The following TENM3 variants were observed in gnomAD, a reference collection of about 807,000 sequenced individuals.
TENM3 encodes teneurin-3.
A neutral mutation model predicts 255.1 loss-of-function variants in TENM3; 63 were observed. The ratio of observed to expected loss-of-function variants is 0.25; its 90% confidence interval spans 0.20 to 0.30. The LOEUF (loss-of-function observed/expected upper bound fraction) is 0.30, where lower values mean the gene tolerates loss of function less well. Among genes scored for constraint, TENM3 ranks in the 10% least tolerant of loss-of-function variants. TENM3 has a pLI of 1.00. For missense variants in TENM3, 2,929 were observed against 3,461.1 expected (o/e 0.85, Z 3.86); for synonymous variants, 1,306 against 1,322.3 (o/e 0.99, Z 0.27).
chr4:181,967,717 T>A, the TENM3 span, among the ~76,000 whole-genome samples: 1 of 152,182 alleles, frequency 6.6e-6, no homozygotes, highest in Admixed American at 6.5e-5. Flanking sequence ...TAGCACAAAC[T>A]CAAACCCCTG....
the TENM3 span, among the ~76,000 whole-genome samples, chr4:181,719,511 C>T: frequency 3.9e-5 from 6 of 152,200 alleles, no homozygotes; most frequent in African/African-American, 1.4e-4. Flanking sequence ...ATAGGCTGTG[C>T]TGACTCACTC....
At chr4:182,584,908 C>T (rs1354301474) in intron 3 of TENM3, among the ~76,000 whole-genome samples, 1 of 152,120 alleles carries the variant, frequency 6.6e-6, no homozygotes, top group Non-Finnish European at 1.5e-5. Flanking sequence ...TCCCAAAGTG[C>T]AGGGATTACA....
At chr4:181,687,666 A>G in the TENM3 span, among the ~76,000 whole-genome samples, 1 of 152,152 alleles carries the variant, frequency 6.6e-6, no homozygotes, top group East Asian at 1.9e-4. Flanking sequence ...GTGCTCAAAA[A>G]CCCTGCCCTG....
At chr4:181,500,230 T>C in the TENM3 span, among the ~76,000 whole-genome samples, 1 of 151,832 alleles carries the variant, frequency 6.6e-6, no homozygotes, top group Non-Finnish European at 1.5e-5. Flanking sequence ...GGTTTCATCA[T>C]ATTGGTCAGG....
chr4:182,603,992 G>A (rs538050524), intron 4 of TENM3, among the ~76,000 whole-genome samples: 1 of 151,978 alleles, frequency 6.6e-6, no homozygotes, highest in Non-Finnish European at 1.5e-5. Flanking sequence ...TCAGTGATTT[G>A]TAGACTTACA....
chr4:181,518,096 G>A, the TENM3 span, among the ~76,000 whole-genome samples: 7 of 152,090 alleles, frequency 4.6e-5, no homozygotes, highest in Non-Finnish European at 8.8e-5. Flanking sequence ...TTTAGGCAAC[G>A]GTTGTATAAT....
chr4:181,708,594 A>G, the TENM3 span, among the ~76,000 whole-genome samples: 1 of 150,570 alleles, frequency 6.6e-6, no homozygotes, highest in Non-Finnish European at 1.5e-5. Context: ...TTTTAGTCCT[A>G]AAACCAACAC....
chr4:181,824,379 G>A, the TENM3 span, among the ~76,000 whole-genome samples: 3 of 152,114 alleles, frequency 2.0e-5, no homozygotes, highest in South Asian at 2.1e-4. Flanking sequence ...GGGATTATAG[G>A]CTTGAGTCAC....
At chr4:182,368,884 T>C (rs1162268694) in intron 3 of TENM3, among the ~76,000 whole-genome samples, 3 of 152,178 alleles carry the variant, frequency 2.0e-5, no homozygotes, top group Non-Finnish European at 2.9e-5. Flanking sequence ...CTGTTGACCC[T>C]TTCCATGAGA....
chr4:182,777,836 CATATATATATATATGCTGTT>C (rs1394140298), intron 24 of TENM3, among the ~76,000 whole-genome samples: 6 of 139,712 alleles, frequency 4.3e-5, no homozygotes, highest in African/African-American at 8.6e-5. Context: ...AGGAATACAG[CATATATATATATATGCTGTT>C]ATATATATAT....
chr4:182,110,624 C>A, the TENM3 span, among the ~76,000 whole-genome samples: 1 of 152,138 alleles, frequency 6.6e-6, no homozygotes, highest in African/African-American at 2.4e-5. Context: ...CTGCGCTGGA[C>A]CAGTAGCTCT....
chr4:181,791,455 C>T, the TENM3 span, among the ~76,000 whole-genome samples: 13 of 152,004 alleles, frequency 8.6e-5, no homozygotes, highest in African/African-American at 2.9e-4. Context: ...GTTGAACATC[C>T]GGGGTAGTGT....
In TENM3 at chr4:182,620,321, C is replaced by T. The variant is rs149070355; in HGVS notation, c.750-8330C>T. ...TAACCATTGTGTTGGACCTTGAGAA[C>T]GGGTAAAAAGAAGTCCTTGGGCTTA... On this transcript the variant is annotated intron_variant, in intron 4 of 27. Transcript: ENST00000511685. 3.7e-3 allele frequency among the ~76,000 whole-genome samples: 557 copies of T among 152,218 alleles called. 7 individuals are homozygous for T. Among genetic ancestry groups the T allele is most frequent in the Non-Finnish European group, 5.0e-3 (343 of 68,014 alleles).
At chr4:182,581,689 A>G (rs1395754127) in intron 3 of TENM3, among the ~76,000 whole-genome samples, 1 of 152,110 alleles carries the variant, frequency 6.6e-6, no homozygotes, top group Non-Finnish European at 1.5e-5. Flanking sequence ...GTGAGCCAAG[A>G]TTGCGCCATT....
chr4:182,121,143 C>A, the TENM3 span, among the ~76,000 whole-genome samples: 1 of 151,958 alleles, frequency 6.6e-6, no homozygotes. Context: ...GGATTACAGG[C>A]GCCCACACGA....
At chr4:182,630,921 ATTTAAT>A (rs995121680) in intron 5 of TENM3, among the ~76,000 whole-genome samples, 40 of 152,200 alleles carry the variant, frequency 2.6e-4, no homozygotes, top group African/African-American at 9.6e-4. Flanking sequence ...TTCTAATGCC[ATTTAAT>A]TTTATTTTCA....
At chr4:182,133,630 T>C in the TENM3 span, among the ~76,000 whole-genome samples, 1 of 152,188 alleles carries the variant, frequency 6.6e-6, no homozygotes, top group African/African-American at 2.4e-5. Context: ...GTTTATAACA[T>C]TTATTTTACG....
the TENM3 span, among the ~76,000 whole-genome samples, chr4:181,982,910 C>T: frequency 0.012 from 1,763 of 152,144 alleles, 32 homozygotes; most frequent in African/African-American, 0.04. Flanking sequence ...TTTTATTTTA[C>T]TTTTGGCTTT....
chr4:181,967,684 C>G, the TENM3 span, among the ~76,000 whole-genome samples: 1 of 152,054 alleles, frequency 6.6e-6, no homozygotes, highest in African/African-American at 2.4e-5. Context: ...ATTTTCAAAT[C>G]TCTAACACAT....
Sources: allele counts gnomAD v4.1 joint callset (sites outside exome capture counted in the v4.1 genomes callset), GRCh38; gene constraint gnomAD v4.1.1; transcripts MANE v1.5; gene names NCBI Gene and HGNC (gene_info 2026-07-23, HGNC 2026-07-21).